IQSEC3: variants seen among roughly 807,000 people sequenced by gnomAD.
IQSEC3 encodes IQ motif and Sec7 domain ArfGEF 3, also known as IQ motif and SEC7 domain-containing protein 3.
IQSEC3 carries 50 observed loss-of-function variants against 105.4 expected under a neutral mutation model. That is an observed-to-expected ratio of 0.47 (90% CI 0.38 to 0.60). The LOEUF (loss-of-function observed/expected upper bound fraction) is 0.60. IQSEC3 is among the 20% of genes least tolerant of loss of function. The probability of loss-of-function intolerance (pLI) is 0.00; values close to 1 mark genes in which losing one functional copy is unlikely to be tolerated. For synonymous variants in IQSEC3, 708 were observed against 746.0 expected (o/e 0.95, Z 0.83); for missense variants, 1,415 against 1,630.0 (o/e 0.87, Z 2.27).
Position 88,174 on chromosome 12 carries a change from T to A in IQSEC3, c.555-10972T>A, listed in dbSNP as rs116678469. On this transcript the variant is annotated intron_variant, in intron 1 of 13. Transcript: ENST00000538872. ...AAACCTAACAGATATTCCTAAGACA[T>A]AAAACTAACCAAATCAGAGCTTCAT... Among the ~76,000 whole-genome samples, 531 of 152,300 alleles carry A rather than the reference T, an allele frequency of 3.5e-3. 3 individuals carry two copies. Among genetic ancestry groups the A allele is most frequent in the African/African-American group, 0.012 (510 of 41,578 alleles).
intron 5 of IQSEC3, among the ~76,000 whole-genome samples, chr12:153,480 C>G (rs10773933): frequency 0.88 from 133,131 of 152,118 alleles, 58,588 homozygotes; most frequent in Non-Finnish European, 0.93. Context: ...TGAGGAAGTG[C>G]CTTCCTCAGG....
intron 2 of IQSEC3, chr12:111,789 T>C (rs1555079621): frequency 6.6e-6 from 1 of 151,300 alleles, no homozygotes; most frequent in African/African-American, 2.4e-5. Flanking sequence ...TCAGCTGGAG[T>C]CTCACTCCAT....
intron 4 of IQSEC3, chr12:140,117 A>T (rs1555088651): frequency 1.3e-5 from 2 of 152,232 alleles, no homozygotes; most frequent in African/African-American, 4.8e-5. Context: ...ATGCGTGTTC[A>T]TTCGTTCATT....
chr12:130,431 C>A (rs1297141522), intron 3 of IQSEC3, among the ~76,000 whole-genome samples: 1 of 152,206 alleles, frequency 6.6e-6, no homozygotes, highest in Non-Finnish European at 1.5e-5. Flanking sequence ...AGTAATGCAG[C>A]CAAGACATGG....
Position 66,801 on chromosome 12 carries a change from C to G in IQSEC3, c.-82C>G, listed in dbSNP as rs1395673925. 6.3e-6 allele frequency: 8 copies of G among 1,263,488 alleles called. No homozygotes were observed. The highest frequency in any genetic ancestry group is 7.0e-6 in the Non-Finnish European group (7 of 998,426). The allele number at this position is 1,263,488 out of a possible 1,614,324, so 78.3% of individuals were successfully genotyped here. On this transcript the variant is annotated 5_prime_UTR_variant, in exon 1 of 14. Transcript: ENST00000538872. ...CGGTGGGAGAGGGAGGCGAGCCGAC[C>G]GCTGGGCTGCTGGGCTCCCGCGCCC...
At chr12:167,099 C>T (rs1017860521) in intron 11 of IQSEC3, 3 of 152,100 alleles carry the variant, frequency 2.0e-5, no homozygotes, top group East Asian at 1.9e-4. Flanking sequence ...GGGAGGGGCG[C>T]GTGGAAACTC....
chr12:138,608 C>T lies in IQSEC3; in HGVS notation c.1245C>T (p.Asp415=), dbSNP rs991127989. 6.9e-6 allele frequency: 11 copies of T among 1,588,984 alleles called. No individual in the cohort carries two copies. The highest frequency in any genetic ancestry group is 3.4e-5 in the Admixed American group (2 of 59,018). The change falls in exon 4 of 14, where the codon GAC becomes GAT. Residue 415 remains aspartate (D), a synonymous_variant. Coordinates refer to ENST00000538872, the MANE Select transcript of IQSEC3 (RefSeq NM_001170738.2). This position sits in a 1 kb window ranked among gnomAD's most constrained non-coding sequence, Gnocchi z 7.1. ...AATCCCTGGCCAAGTCCATCGACGA[C>T]GCGCTCAGCACGTGGAGCCTCAAGA... ...QVQSLAKSID[D]ALSTWSLKTM...
rs770401813 is a variant in IQSEC3, at chr12:174,745, G to A, written c.3261G>A (p.Pro1087=). 55 of 1,588,108 alleles carry A rather than the reference G, an allele frequency of 3.5e-5. No individual in the cohort carries two copies. Among genetic ancestry groups the A allele is most frequent in the African/African-American group, 1.4e-4 (10 of 73,524 alleles). ...PPLPPPPPTP[P]GTLVQCQQIV... is the part of the protein sequence containing the mutation. ...TGCCGCCGCCGCCACCCACGCCCCC[G>A]GGCACCCTGGTGCAGTGCCAGCAAA... is the stretch of plus-strand genomic sequence containing the variant. Residue 1087 remains proline (P), a synonymous_variant, in exon 14 of 14, where the codon CCG becomes CCA. Coordinates refer to ENST00000538872, the MANE Select transcript of IQSEC3 (RefSeq NM_001170738.2).
intron 1 of IQSEC3, among the ~76,000 whole-genome samples, chr12:98,006 T>C (rs1864292920): frequency 6.6e-6 from 1 of 152,138 alleles, no homozygotes; most frequent in South Asian, 2.1e-4. Flanking sequence ...TTTTGTTGTT[T>C]TACAAAATAG....
At chr12:117,261 C>T (rs1246642320) in intron 2 of IQSEC3, among the ~76,000 whole-genome samples, 1 of 152,148 alleles carries the variant, frequency 6.6e-6, no homozygotes, top group Non-Finnish European at 1.5e-5. Context: ...CTGCCTGGGC[C>T]AGAGAGAGAC....
intron 3 of IQSEC3, among the ~76,000 whole-genome samples, chr12:127,254 CTCATA>C (rs1360861896): frequency 6.6e-6 from 1 of 152,216 alleles, no homozygotes; most frequent in Non-Finnish European, 1.5e-5. Flanking sequence ...GGCGTGGTGG[CTCATA>C]CCTGTAATCC....
At chr12:84,417 C>A (rs782625129) in intron 1 of IQSEC3, among the ~76,000 whole-genome samples, 54 of 152,198 alleles carry the variant, frequency 3.5e-4, no homozygotes, top group Non-Finnish European at 7.6e-4. Context: ...TGCATGTGTG[C>A]GTGTATGCCT....
chr12:135,465 C>A (rs782574514), intron 3 of IQSEC3, among the ~76,000 whole-genome samples: 2 of 152,164 alleles, frequency 1.3e-5, no homozygotes, highest in African/African-American at 2.4e-5. Flanking sequence ...CAGTTCGTAC[C>A]GTGGGCAAAA....
At chr12:165,387 G>A (rs534957418) in intron 9 of IQSEC3, 47 bp from the exon 10 acceptor site, 63 of 1,446,782 alleles carry the variant, frequency 4.4e-5, no homozygotes, top group Admixed American at 2.0e-4. Context: ...CCATGTGTCC[G>A]TGAGTGTCTG....
chr12:73,687 A>C (rs1863415109), intron 1 of IQSEC3, among the ~76,000 whole-genome samples: 1 of 152,248 alleles, frequency 6.6e-6, no homozygotes, highest in South Asian at 2.1e-4. Context: ...AAAAAGAAAA[A>C]GAAAAAGAAA....
chr12:117,557 G>A (rs928222597), intron 2 of IQSEC3, among the ~76,000 whole-genome samples: 1 of 152,148 alleles, frequency 6.6e-6, no homozygotes. Flanking sequence ...CAGTCTGCAG[G>A]AGCCACCCTG....
intron 3 of IQSEC3, 89 bp downstream of exon 3, chr12:126,001 G>GTCCCC (rs1865391914): frequency 1.5e-6 from 2 of 1,311,812 alleles, no homozygotes; most frequent in Non-Finnish European, 2.1e-6. Flanking sequence ...TCCCCGCTGG[G>GTCCCC]TCCCCTCCGC....
At chr12:79,312 G>A (rs1863666517) in intron 1 of IQSEC3, among the ~76,000 whole-genome samples, 2 of 152,288 alleles carry the variant, frequency 1.3e-5, no homozygotes, top group East Asian at 1.9e-4. Flanking sequence ...TCACACATGA[G>A]GTCAGCTAAA....
chr12:148,747 T>A (rs1203320404), intron 5 of IQSEC3: 6 of 152,238 alleles, frequency 3.9e-5, no homozygotes, highest in Non-Finnish European at 7.3e-5. Context: ...GGTTTCTACA[T>A]TCCGTGGCAA....
Sources: gnomAD v4.1 joint callset for allele counts (sites outside exome capture counted in the v4.1 genomes callset) on GRCh38, gnomAD v4.1.1 for gene constraint, Gnocchi (gnomAD v3.1) non-coding constraint, MANE v1.5 for transcripts, NCBI Gene and HGNC (gene_info 2026-07-23, HGNC 2026-07-21) for gene names.